AZIN2: variants seen among roughly 807,000 people sequenced by gnomAD.
AZIN2 encodes ODC antizyme inhibitor-2.
A neutral mutation model predicts 47.8 loss-of-function variants in AZIN2; 28 were observed. The ratio of observed to expected loss-of-function variants is 0.59; its 90% CI spans 0.43 to 0.80. AZIN2 has a LOEUF of 0.80. Among genes scored for constraint, AZIN2 ranks in the 30% least tolerant of loss-of-function variants. AZIN2 has a pLI of 0.00. For synonymous variants in AZIN2, 221 were observed against 239.4 expected (o/e 0.92, Z 0.71); for missense variants, 535 against 582.5 (o/e 0.92, Z 0.84).
intron 10 of AZIN2, among the ~76,000 whole-genome samples, chr1:33,099,819 C>T (rs189539596): frequency 3.1e-4 from 47 of 152,290 alleles, no homozygotes; most frequent in Admixed American, 4.6e-4. Context: ...CACAGCCTGG[C>T]GGTGGAATAA....
chr1:33,161,756 T>C, the AZIN2 span, among the ~76,000 whole-genome samples: 1 of 152,088 alleles, frequency 6.6e-6, no homozygotes, highest in East Asian at 1.9e-4. The surrounding 1 kb of genome is among the most constrained non-coding windows in gnomAD (Gnocchi z 4.3). Context: ...GCGCCCAGAC[T>C]CCGCAGCTAC....
intron 5 of AZIN2, among the ~76,000 whole-genome samples, chr1:33,089,865 A>C (rs1189648986): frequency 6.6e-6 from 1 of 152,230 alleles, no homozygotes; most frequent in Non-Finnish European, 1.5e-5. Flanking sequence ...AATGACTCTT[A>C]TGCCTCTCAC....
In AZIN2 at chr1:33,122,420, G is replaced by A. The variant is rs937286082; in HGVS notation, c.*2238G>A. 3.3e-5 allele frequency among the ~76,000 whole-genome samples: 5 copies of A among 151,768 alleles called. No individual in the cohort carries two copies. The East Asian group carries it at 5.8e-4, about 18-fold the overall frequency. Reference sequence around the variant, plus strand: ...ATTTACTTTTCCAAGAAAGATACACGCAGAACTTGATGTGGCTTACTTGAG... The same window carrying A: ...ATTTACTTTTCCAAGAAAGATACACACAGAACTTGATGTGGCTTACTTGAG... On this transcript the variant is annotated 3_prime_UTR_variant, in exon 12 of 12. Transcript: ENST00000294517.
At chr1:33,131,387 G>A in the AZIN2 span, among the ~76,000 whole-genome samples, 2 of 152,164 alleles carry the variant, frequency 1.3e-5, no homozygotes, top group African/African-American at 4.8e-5. Flanking sequence ...AGCCACTCCT[G>A]CAGGGCTCTG....
rs144337018 is a variant in AZIN2 at position 33,120,054 on chromosome 1, C to A, written c.1255C>A (p.Arg419=). 1 of 1,613,904 alleles carries A rather than the reference C, an allele frequency of 6.2e-7. No individual in the cohort carries two copies. Among genetic ancestry groups the A allele is most frequent in the Non-Finnish European group, 8.5e-7 (1 of 1,179,960 alleles). Residue 419 remains arginine (R), a synonymous_variant, in exon 12 of 12, where the codon CGA becomes AGA. Transcript: ENST00000294517. ...AMSRVAWEAL[R]RQLMAAEQED... ...CTCTCTCACCCCTAGGGAAGCGCTG[C>A]GAAGGCAGCTGATGGCTGCAGAACA...
rs994521364 is a variant in AZIN2, at chr1:33,121,774, G to A, written c.*1592G>A. 6.6e-6 allele frequency among the ~76,000 whole-genome samples: 1 copy of A among 152,114 alleles called. No individual in the cohort carries two copies. Among genetic ancestry groups the A allele is most frequent in the Non-Finnish European group, 1.5e-5 (1 of 68,022 alleles). On this transcript the variant is annotated 3_prime_UTR_variant, in exon 12 of 12. Transcript: ENST00000294517. ...TTATTCTGGACATTGTATTGTGATG[G>A]ATTTTCTATCTTCACTTGAGCTTCT...
chr1:33,161,632 G>A, the AZIN2 span, among the ~76,000 whole-genome samples: 7 of 152,126 alleles, frequency 4.6e-5, no homozygotes, highest in Admixed American at 6.5e-5. The surrounding 1 kb of genome is among the most constrained non-coding windows in gnomAD (Gnocchi z 4.3). Context: ...CCAGGCTGCC[G>A]TGGCCTTCCT....
the AZIN2 span, among the ~76,000 whole-genome samples, chr1:33,156,121 C>T: frequency 6.6e-6 from 1 of 152,222 alleles, no homozygotes; most frequent in Non-Finnish European, 1.5e-5. Flanking sequence ...AGATCGCAGT[C>T]AAGGCTGGGC....
Position 33,122,510 on chromosome 1 carries a change from A to G in AZIN2, c.*2328A>G, listed in dbSNP as rs1644814270. Reference sequence around the variant, plus strand: ...TTGTTTCTTATTTCAATCTTTTTCTAAAGAGAAGAAAAAAGCCTGAAATGT... The same window carrying G: ...TTGTTTCTTATTTCAATCTTTTTCTGAAGAGAAGAAAAAAGCCTGAAATGT... On this transcript the variant is annotated 3_prime_UTR_variant, in exon 12 of 12. Transcript: ENST00000294517. Among the ~76,000 whole-genome samples the G allele has an allele frequency of 6.6e-6, 1 of 152,144 alleles. No homozygotes were observed. The highest frequency in any genetic ancestry group is 1.5e-5 in the Non-Finnish European group (1 of 68,026).
chr1:33,149,523 T>C, the AZIN2 span, among the ~76,000 whole-genome samples: 3 of 152,172 alleles, frequency 2.0e-5, no homozygotes, highest in African/African-American at 7.2e-5. Context: ...AGTGTCATCA[T>C]AGCTCATTGG....
chr1:33,134,585 C>T, the AZIN2 span, among the ~76,000 whole-genome samples: 2 of 152,116 alleles, frequency 1.3e-5, no homozygotes, highest in African/African-American at 2.4e-5. Context: ...AAAGAAAGAC[C>T]TCCTAATCCG....
chr1:33,113,213 C>T lies in AZIN2; in HGVS notation c.1030-4689C>T, dbSNP rs765123467. Among the ~76,000 whole-genome samples the T allele has an allele frequency of 6.6e-6, 1 of 152,228 alleles. No individual in the cohort carries two copies. Among genetic ancestry groups the T allele is most frequent in the Non-Finnish European group, 1.5e-5 (1 of 68,032 alleles). ...TCGACCTCCTGACCTCATGATCTGC[C>T]TACCTCTGCCTCCCAAAGTGTTGGG... On this transcript the variant is annotated intron_variant, in intron 10 of 11. Transcript: ENST00000294517. This position sits in a 1 kb window ranked among gnomAD's most constrained non-coding sequence, Gnocchi z 4.1.
chr1:33,131,742 A>G, the AZIN2 span, among the ~76,000 whole-genome samples: 1 of 152,224 alleles, frequency 6.6e-6, no homozygotes, highest in South Asian at 2.1e-4. Flanking sequence ...AACAGCCAAA[A>G]TATGGCTATT....
intron 10 of AZIN2, among the ~76,000 whole-genome samples, chr1:33,115,274 G>A (rs1370140958): frequency 6.6e-6 from 1 of 152,140 alleles, no homozygotes; most frequent in Middle Eastern, 3.2e-3. Flanking sequence ...CTCACAGAGG[G>A]GCCTAGTGGC....
At chr1:33,161,387 A>G in the AZIN2 span, among the ~76,000 whole-genome samples, 1 of 152,056 alleles carries the variant, frequency 6.6e-6, no homozygotes, top group East Asian at 1.9e-4. The surrounding 1 kb of genome is among the most constrained non-coding windows in gnomAD (Gnocchi z 4.3). Flanking sequence ...TGCCTCTGCA[A>G]TTTTACTTTG....
the AZIN2 span, among the ~76,000 whole-genome samples, chr1:33,149,443 T>C: frequency 6.7e-6 from 1 of 148,650 alleles, no homozygotes; most frequent in Non-Finnish European, 1.5e-5. Context: ...CATGAGCCAC[T>C]GTGCTGGATT....
At chr1:33,165,882 A>C in the AZIN2 span, 1 of 215,670 alleles carries the variant, frequency 4.6e-6, no homozygotes, top group Non-Finnish European at 9.2e-6. The surrounding 1 kb of genome is among the most constrained non-coding windows in gnomAD (Gnocchi z 4.0). Context: ...CCCGCTTAGA[A>C]TTAAGGCAGG....
At chr1:33,165,185 C>T in the AZIN2 span, 1 of 321,402 alleles carries the variant, frequency 3.1e-6, no homozygotes, top group Non-Finnish European at 5.8e-6. This position sits in a 1 kb window ranked among gnomAD's most constrained non-coding sequence, Gnocchi z 4.0. Context: ...CCGGGACCCG[C>T]CTCAACTTCC....
chr1:33,109,871 A>G (rs1644210872), intron 10 of AZIN2, among the ~76,000 whole-genome samples: 1 of 152,222 alleles, frequency 6.6e-6, no homozygotes, highest in Non-Finnish European at 1.5e-5. Flanking sequence ...CATACAAAAC[A>G]GTGATTATCC....
Sources: allele counts gnomAD v4.1 joint callset (sites outside exome capture counted in the v4.1 genomes callset), GRCh38; gene constraint gnomAD v4.1.1; non-coding constraint Gnocchi (gnomAD v3.1); transcripts MANE v1.5; gene names NCBI Gene and HGNC (gene_info 2026-07-23, HGNC 2026-07-21).